Variants in MTMR1 observed in about 807,000 individuals in gnomAD.
MTMR1 encodes phosphatidylinositol-3-phosphate phosphatase MTMR1.
In MTMR1, 17 loss-of-function variants were observed where a neutral mutation model predicts 51.6. The observed-to-expected ratio is 0.33, with a 90% CI of 0.23 to 0.49. The LOEUF is 0.49. Among genes scored for constraint, MTMR1 ranks in the 20% least tolerant of loss-of-function variants. MTMR1 has a pLI of 0.99. For missense variants in MTMR1, 386 were observed against 526.9 expected, an observed-to-expected ratio of 0.73 and a Z score of 2.62; for synonymous variants, 201 against 205.6, an observed-to-expected ratio of 0.98 and a Z score of 0.19.
intron 4 of MTMR1, among the ~76,000 whole-genome samples, chrX:150,721,386 A>G (rs1389523082): frequency 1.8e-5 from 2 of 111,765 alleles, no homozygotes; most frequent in Non-Finnish European, 3.8e-5. Flanking sequence ...GGTAGAGTTT[A>G]CCAGTGAAGC....
At position 150,762,818 on chromosome X, in the gene MTMR1, T is replaced by G. The variant is rs782177638; in HGVS notation, c.*89T>G. On this transcript the variant is annotated 3_prime_UTR_variant, in exon 16 of 16. Transcript: ENST00000445323. ...CTGTTATGGCTGTAGCTTGTGATCT[T>G]GTCTTTTAGGATTAGGCCCAGGGAC... is the stretch of plus-strand genomic sequence containing the variant. 1.4e-4 allele frequency: 145 copies of G among 1,007,165 alleles called. No individual in the cohort carries two copies. In the African/African-American group the frequency reaches 2.3e-3, roughly 16 times the overall value. The allele number at this position is 1,007,165 out of a possible 1,213,427, so 83.0% of individuals were successfully genotyped here. A position where few individuals can be genotyped will look rare whatever the true frequency, so the allele number is the denominator to read the frequency against.
intron 13 of MTMR1, among the ~76,000 whole-genome samples, chrX:150,745,596 G>A (rs1557417439): frequency 9.0e-6 from 1 of 111,422 alleles, no homozygotes; most frequent in African/African-American, 3.3e-5. Flanking sequence ...AAGGTTGATA[G>A]TCATGATGCT....
At chrX:150,748,118 A>C (rs1226876226) in intron 13 of MTMR1, among the ~76,000 whole-genome samples, 1 of 110,869 alleles carries the variant, frequency 9.0e-6, no homozygotes, top group Non-Finnish European at 1.9e-5. Flanking sequence ...CTTCTTTGAG[A>C]AGAGCACTAA....
chrX:150,737,422 A>G lies in MTMR1; in HGVS notation c.1447A>G (p.Ile483Val). ...GFETLVEKEW[I>V]SFGHRFALRV... ...TGAAACTCTCGTAGAAAAGGAGTGG[A>G]TAAGCTTTGGACACAGGTTTGCACT... Residue 483 changes from isoleucine (I) to valine (V), a missense_variant, in exon 12 of 16, where the codon ATA becomes GTA. Ile to Val is a conservative substitution (Grantham distance 29). Coordinates refer to ENST00000445323, the MANE Select transcript of MTMR1 (RefSeq NM_001306144.3). 1 of 1,211,578 alleles carries G rather than the reference A, an allele frequency of 8.3e-7. No individual in the cohort carries two copies. Among genetic ancestry groups the G allele is most frequent in the Admixed American group, 2.2e-5 (1 of 46,044 alleles).
chrX:150,727,450 G>A, intron 5 of MTMR1, 141 bp downstream of exon 5: 1 of 527,040 alleles, frequency 1.9e-6, no homozygotes, highest in Non-Finnish European at 3.0e-6. Context: ...TTTGCAAACA[G>A]ATGTTTGTAT....
intron 15 of MTMR1, among the ~76,000 whole-genome samples, chrX:150,761,926 A>C (rs1391357838): frequency 8.9e-6 from 1 of 112,160 alleles, no homozygotes; most frequent in Middle Eastern, 4.2e-3. Flanking sequence ...TGATGGGTTT[A>C]AAAGAGAAAA....
At chrX:150,739,497 T>C (rs1017524773) in intron 12 of MTMR1, among the ~76,000 whole-genome samples, 22 of 112,152 alleles carry the variant, frequency 2.0e-4, no homozygotes, top group Admixed American at 4.7e-4. Flanking sequence ...CTCCCCAAAC[T>C]GTATGTCCTA....
intron 15 of MTMR1, among the ~76,000 whole-genome samples, chrX:150,761,591 A>G (rs2043133457): frequency 1.8e-5 from 2 of 112,854 alleles, no homozygotes; most frequent in Admixed American, 1.9e-4. Context: ...GGCCAGTCAC[A>G]TGGCCTGGCT....
intron 15 of MTMR1, among the ~76,000 whole-genome samples, chrX:150,760,582 C>T (rs782124748): frequency 2.1e-4 from 24 of 111,825 alleles, no homozygotes; most frequent in South Asian, 1.1e-3. Context: ...GTTTAAGCCT[C>T]CGAGTTTTCT....
At chrX:150,697,602 G>A (rs781930668) in intron 1 of MTMR1, among the ~76,000 whole-genome samples, 9 of 111,488 alleles carry the variant, frequency 8.1e-5, no homozygotes, top group Non-Finnish European at 1.7e-4. Context: ...CTCTTACTGC[G>A]CTAGTTGGCT....
At chrX:150,745,178 A>G (rs1286617953) in intron 13 of MTMR1, among the ~76,000 whole-genome samples, 1 of 112,248 alleles carries the variant, frequency 8.9e-6, no homozygotes, top group Non-Finnish European at 1.9e-5. Context: ...GTGATAAGAG[A>G]CAGTGCCAGG....
chrX:150,696,218 C>T (rs1557415732), intron 1 of MTMR1, among the ~76,000 whole-genome samples: 2 of 111,000 alleles, frequency 1.8e-5, no homozygotes, highest in Non-Finnish European at 3.8e-5. Context: ...GTATAGAGGG[C>T]AATTGCACAG....
rs782580626 is a variant in MTMR1 at position 150,699,179 on chromosome X, A to G, written c.147-16A>G. 2 of 1,096,537 alleles carry G rather than the reference A, an allele frequency of 1.8e-6. No individual in the cohort carries two copies. The highest frequency in any genetic ancestry group is 2.5e-6 in the Non-Finnish European group (2 of 806,455). 90.4% of individuals were successfully genotyped at this position (1,096,537 alleles called of 1,213,427 possible). A position where few individuals can be genotyped will look rare whatever the true frequency, so the allele number is the denominator to read the frequency against. ...CCTATGATATAACGTTTTGTAATCCATGCTATTTTTTTTAGTCCCACAGGA... is the reference window on the plus strand; with the variant it reads ...CCTATGATATAACGTTTTGTAATCCGTGCTATTTTTTTTAGTCCCACAGGA... On this transcript the variant is annotated splice_polypyrimidine_tract_variant and intron_variant, in intron 1 of 15. Transcript: ENST00000445323.
At chrX:150,760,136 G>A (rs953483535) in intron 15 of MTMR1, among the ~76,000 whole-genome samples, 8 of 109,154 alleles carry the variant, frequency 7.3e-5, no homozygotes, top group Non-Finnish European at 1.2e-4. Flanking sequence ...AACCAAAAAA[G>A]AGTACATGGG....
chrX:150,711,204 G>A (rs1454265098), intron 2 of MTMR1, among the ~76,000 whole-genome samples: 2 of 112,387 alleles, frequency 1.8e-5, no homozygotes, highest in Non-Finnish European at 3.8e-5. Context: ...ACACATTTAA[G>A]CTTCTCAGTC....
chrX:150,722,909 A>T (rs1031152148), intron 4 of MTMR1, among the ~76,000 whole-genome samples: 1 of 108,812 alleles, frequency 9.2e-6, no homozygotes, highest in Non-Finnish European at 1.9e-5. Flanking sequence ...TGTGCAGGTT[A>T]GTTACATATG....
intron 4 of MTMR1, among the ~76,000 whole-genome samples, chrX:150,721,921 T>C (rs1195471119): frequency 8.9e-6 from 1 of 111,940 alleles, no homozygotes; most frequent in Non-Finnish European, 1.9e-5. Context: ...TTTAGCAGCA[T>C]TTCATCAATT....
chrX:150,716,283 C>T (rs1427393032), intron 3 of MTMR1, among the ~76,000 whole-genome samples: 10 of 112,657 alleles, frequency 8.9e-5, no homozygotes, highest in Admixed American at 2.8e-4. Context: ...TCATGAGATG[C>T]TATACAGTTA....
rs781901772 is a variant in MTMR1, at chrX:150,737,358, G to A, written c.1383G>A (p.Met461Ile). The change falls in exon 12 of 16, where the codon ATG (methionine) becomes ATA (isoleucine). Residue 461 changes from methionine (M) to isoleucine (I), a missense_variant. Transcript: ENST00000445323. ...DRTAQLTSLAMLMLDSYYRTI... is the reference protein window; with the variant it reads ...DRTAQLTSLAILMLDSYYRTI... ...CAGCCCAGCTCACATCTCTGGCTAT[G>A]CTAATGTTGGACAGTTACTACAGGA... 2.5e-6 allele frequency: 3 copies of A among 1,209,703 alleles called. No individual in the cohort carries two copies. The Admixed American group carries it at 6.6e-5, about 26-fold the overall frequency.
Sources: allele counts gnomAD v4.1 joint callset (sites outside exome capture counted in the v4.1 genomes callset), GRCh38; gene constraint gnomAD v4.1.1; transcripts MANE v1.5; gene names NCBI Gene and HGNC (gene_info 2026-07-23, HGNC 2026-07-21).